The following CTCF variants were observed in gnomAD, a reference collection of about 807,000 sequenced individuals.
CTCF encodes CCCTC-binding factor, also known as transcriptional repressor CTCF.
Under a neutral mutation model 72.3 loss-of-function variants are expected in CTCF, and 7 were observed. The ratio of observed to expected loss-of-function variants is 0.10; its 90% confidence interval spans 0.06 to 0.18. The LOEUF is 0.18. CTCF is among the 10% of genes least tolerant of loss of function. The probability of loss-of-function intolerance (pLI) is 1.00; values close to 1 mark genes in which losing one functional copy is unlikely to be tolerated. For missense variants in CTCF, 516 were observed against 949.1 expected (o/e 0.54, Z 6.00); for synonymous variants, 374 against 315.8 (o/e 1.18, Z -1.95).
intron 2 of CTCF, among the ~76,000 whole-genome samples, chr16:67,585,948 A>G (rs1267159313): frequency 2.0e-5 from 3 of 152,106 alleles, no homozygotes; most frequent in Non-Finnish European, 4.4e-5. Flanking sequence ...TTTTGGGTGT[A>G]TATAAATATA....
At chr16:67,625,182 C>T (rs533853011) in intron 7 of CTCF, among the ~76,000 whole-genome samples, 1 of 152,226 alleles carries the variant, frequency 6.6e-6, no homozygotes, top group East Asian at 1.9e-4. Context: ...CCCACCTTTG[C>T]CTCCTAAAGT....
At chr16:67,587,068 G>C (rs2051678261) in intron 2 of CTCF, among the ~76,000 whole-genome samples, 1 of 148,216 alleles carries the variant, frequency 6.7e-6, no homozygotes, top group African/African-American at 2.5e-5. Context: ...ACTTGCTAAA[G>C]ATGTCATTTT....
At chr16:67,619,909 T>C (rs558368276) in intron 5 of CTCF, among the ~76,000 whole-genome samples, 1 of 152,024 alleles carries the variant, frequency 6.6e-6, no homozygotes, top group Admixed American at 6.6e-5. Flanking sequence ...AGAATCAAGT[T>C]TGAAAGTCAC....
chr16:67,636,879 CT>C lies in CTCF; in HGVS notation c.1999+29del. On this transcript the variant is annotated intron_variant, in intron 11 of 11. Coordinates refer to ENST00000264010, the MANE Select transcript of CTCF (RefSeq NM_006565.4). Reference sequence around the variant, plus strand: ...AAGTTGTTCATCTCTGCTCTGGAGGCTGGCGTCTTCTCCGAGCATGTGGGGG... The same window carrying C: ...AAGTTGTTCATCTCTGCTCTGGAGGCGGCGTCTTCTCCGAGCATGTGGGGG... 3 of 1,457,258 alleles carry C rather than the reference CT, an allele frequency of 2.1e-6. No homozygotes were observed. In the Admixed American group the frequency reaches 6.8e-5, roughly 33 times the overall value. The allele number at this position is 1,457,258 out of a possible 1,614,324, so 90.3% of individuals were successfully genotyped here. A position where few individuals can be genotyped will look rare whatever the true frequency, so the allele number is the denominator to read the frequency against.
chr16:67,592,244 T>G (rs997159216), intron 2 of CTCF, among the ~76,000 whole-genome samples: 1 of 151,984 alleles, frequency 6.6e-6, no homozygotes, highest in African/African-American at 2.4e-5. Context: ...AAACCCTGTC[T>G]CTACTAAAAA....
At chr16:67,624,957 C>T (rs562694415) in intron 7 of CTCF, among the ~76,000 whole-genome samples, 3 of 152,290 alleles carry the variant, frequency 2.0e-5, no homozygotes, top group Admixed American at 2.0e-4. Flanking sequence ...CGGAGTTTCA[C>T]TCTGTCACCC....
chr16:67,580,019 T>C (rs1173414112), intron 2 of CTCF, among the ~76,000 whole-genome samples: 2 of 152,158 alleles, frequency 1.3e-5, no homozygotes, highest in African/African-American at 4.8e-5. Context: ...GGAAGTCTTC[T>C]TGCTGATAAT....
intron 2 of CTCF, among the ~76,000 whole-genome samples, chr16:67,610,406 G>T (rs955501423): frequency 1.4e-5 from 2 of 145,226 alleles, no homozygotes; most frequent in African/African-American, 2.6e-5. Flanking sequence ...ACGCTGGAGC[G>T]CAGTGGTGCA....
chr16:67,595,457 A>G (rs1197200457), intron 2 of CTCF, among the ~76,000 whole-genome samples: 1 of 152,216 alleles, frequency 6.6e-6, no homozygotes, highest in Non-Finnish European at 1.5e-5. Context: ...GGGAAAATTT[A>G]TCAAAGGTTT....
intron 2 of CTCF, among the ~76,000 whole-genome samples, chr16:67,578,919 G>A (rs1249529675): frequency 6.7e-6 from 1 of 150,132 alleles, no homozygotes; most frequent in African/African-American, 2.5e-5. Context: ...TTGCACTCCA[G>A]CCTGGGGGAC....
At chr16:67,565,900 C>T (rs2051337210) in intron 1 of CTCF, among the ~76,000 whole-genome samples, 3 of 152,198 alleles carry the variant, frequency 2.0e-5, no homozygotes, top group Non-Finnish European at 2.9e-5. Flanking sequence ...ACTTAAGGCC[C>T]TGGGGAGGAA....
chr16:67,616,668 T>G, intron 4 of CTCF, 77 bp from the exon 5 acceptor site: 1 of 1,536,890 alleles, frequency 6.5e-7, no homozygotes, highest in South Asian at 1.1e-5. Flanking sequence ...CTCATAGCAG[T>G]TCTGTGCCAC....
At chr16:67,607,691 A>T (rs2051994892) in intron 2 of CTCF, among the ~76,000 whole-genome samples, 1 of 151,884 alleles carries the variant, frequency 6.6e-6, no homozygotes, top group South Asian at 2.1e-4. Flanking sequence ...GTTGGCATTT[A>T]TTGAGTACTT....
intron 2 of CTCF, among the ~76,000 whole-genome samples, chr16:67,607,564 C>G (rs1484473906): frequency 6.6e-6 from 1 of 151,970 alleles, no homozygotes; most frequent in Non-Finnish European, 1.5e-5. Context: ...CCTTGGCCTC[C>G]CAAAGTGCTG....
chr16:67,631,691 C>CCCTT (rs1491293908), intron 10 of CTCF, among the ~76,000 whole-genome samples: 1 of 90,906 alleles, frequency 1.1e-5, no homozygotes, highest in Non-Finnish European at 2.1e-5. Flanking sequence ...CCCCCCCCCC[C>CCCTT]TTTTTTTTTT....
intron 1 of CTCF, chr16:67,563,711 C>T (rs1397171015): frequency 6.6e-6 from 1 of 152,242 alleles, no homozygotes; most frequent in Non-Finnish European, 1.5e-5. Flanking sequence ...ACTTAAATTT[C>T]ATTCTGATCT....
At chr16:67,562,812 G>A (rs1404958081) in intron 1 of CTCF, 88 bp downstream of exon 1, 1 of 148,346 alleles carries the variant, frequency 6.7e-6, no homozygotes, top group African/African-American at 2.5e-5. Context: ...CTGCAGCCCG[G>A]CGCCAGCGCC....
intron 7 of CTCF, among the ~76,000 whole-genome samples, chr16:67,622,949 A>T (rs148021064): frequency 1.1e-3 from 160 of 142,184 alleles, no homozygotes; most frequent in Admixed American, 4.3e-3. Flanking sequence ...GACATGAGCC[A>T]CCGCGCCCAG....
intron 2 of CTCF, among the ~76,000 whole-genome samples, chr16:67,582,527 T>C (rs966115832): frequency 2.0e-5 from 3 of 151,972 alleles, no homozygotes; most frequent in Non-Finnish European, 4.4e-5. Flanking sequence ...ACTCGGTCTC[T>C]ACTAAAAATA....
Sources: gnomAD v4.1 joint callset for allele counts (sites outside exome capture counted in the v4.1 genomes callset) on GRCh38, gnomAD v4.1.1 for gene constraint, MANE v1.5 for transcripts, NCBI Gene and HGNC (gene_info 2026-07-23, HGNC 2026-07-21) for gene names.